Variants in NF1 observed in about 807,000 individuals in gnomAD.
NF1 encodes the protein neurofibromin 1, also known as neurofibromin.
NF1 carries 122 observed loss-of-function variants against 325.7 expected under a neutral mutation model. That is an observed-to-expected ratio of 0.37 (90% CI 0.32 to 0.44). NF1 has a LOEUF of 0.44. Ranked by LOEUF, NF1 falls within the 20% of genes least tolerant of loss-of-function variation. The pLI is 1.00. For synonymous variants in NF1, 1,091 were observed against 1,186.0 expected, an observed-to-expected ratio of 0.92 and a Z score of 1.65; for missense variants, 2,140 against 3,415.4, an observed-to-expected ratio of 0.63 and a Z score of 9.31.
intron 17 of NF1, 90 bp from the exon 18 acceptor site, chr17:31,226,345 A>ACACACG: frequency 6.7e-7 from 1 of 1,486,810 alleles, no homozygotes; most frequent in Non-Finnish European, 9.2e-7. Flanking sequence ...ACACACACAC[A>ACACACG]CACACACACA....
chr17:31,190,089 C>CA (rs766783457), intron 8 of NF1, among the ~76,000 whole-genome samples: 56,842 of 98,216 alleles, frequency 0.58, 17,454 homozygotes, highest in Middle Eastern at 0.71. Context: ...AAATGTATTA[C>CA]AAAAAAAAAA....
chr17:31,136,983 G>A (rs923149944), intron 1 of NF1: 2 of 152,016 alleles, frequency 1.3e-5, no homozygotes, highest in African/African-American at 4.8e-5. Flanking sequence ...ATAGAATTCT[G>A]GACAGTTATG....
intron 31 of NF1, among the ~76,000 whole-genome samples, chr17:31,255,747 A>G (rs748600634): frequency 6.6e-6 from 1 of 152,302 alleles, no homozygotes; most frequent in South Asian, 2.1e-4. Context: ...CACATTTTAA[A>G]ACTTCTTTGT....
intron 36 of NF1, among the ~76,000 whole-genome samples, chr17:31,277,729 A>C (rs904156056): frequency 1.3e-5 from 2 of 152,146 alleles, no homozygotes; most frequent in African/African-American, 4.8e-5. Flanking sequence ...GGCTGGCTAC[A>C]TCCATCCATG....
intron 15 of NF1, chr17:31,222,657 A>G: frequency 2.3e-6 from 1 of 429,118 alleles, no homozygotes; most frequent in Non-Finnish European, 3.2e-6. Context: ...AATTGTAATT[A>G]TGTTTTGTTT....
In NF1 at chr17:31,229,471, G is replaced by T. The variant is rs756650807; in HGVS notation, c.2850+6G>T. ...TTTTTGACTCCCAAGGACAGGTAAA[G>T]TGTTCTCTTATTTTTCACCTTTCTC... On this transcript the variant is annotated splice_donor_region_variant and intron_variant, in intron 21 of 57. Coordinates refer to ENST00000358273, the MANE Select transcript of NF1 (RefSeq NM_001042492.3). 1 of 1,612,806 alleles carries T rather than the reference G, an allele frequency of 6.2e-7. No individual in the cohort carries two copies. The highest frequency in any genetic ancestry group is 1.1e-5 in the South Asian group (1 of 91,040).
intron 24 of NF1, 69 bp from the exon 25 acceptor site, chr17:31,232,004 A>C: frequency 1.2e-6 from 1 of 869,282 alleles, no homozygotes; most frequent in South Asian, 1.6e-5. Flanking sequence ...GGTTTATTTG[A>C]GGGGAAGTGA....
chr17:31,136,480 T>A (rs143781427), intron 1 of NF1: 171 of 152,278 alleles, frequency 1.1e-3, no homozygotes, highest in African/African-American at 3.8e-3. Flanking sequence ...AATAAACAAT[T>A]CATAAGTTTA....
At chr17:31,095,680 CTGGGGGCGCCTT>C (rs1163468216) in intron 1 of NF1, among the ~76,000 whole-genome samples, 1 of 152,164 alleles carries the variant, frequency 6.6e-6, no homozygotes, top group Non-Finnish European at 1.5e-5. Context: ...GATGAGTGAC[CTGGGGGCGCCTT>C]TAGGGGCGCG....
chr17:31,119,685 A>G (rs901762510), intron 1 of NF1, among the ~76,000 whole-genome samples: 3 of 151,996 alleles, frequency 2.0e-5, no homozygotes, highest in Non-Finnish European at 4.4e-5. Flanking sequence ...GTCTTTCCCC[A>G]TGCCTGTGTC....
In NF1 at chr17:31,358,166, G is replaced by C. The variant is rs1321839469; in HGVS notation, c.7971-314G>C. 1.2e-5 allele frequency: 5 copies of C among 413,256 alleles called. No individual in the cohort carries two copies. The Admixed American group carries it at 1.5e-4, about 12-fold the overall frequency. The allele number at this position is 413,256 out of a possible 1,614,324, so 25.6% of individuals were successfully genotyped here. On this transcript the variant is annotated intron_variant, in intron 54 of 57. Coordinates refer to ENST00000358273, the MANE Select transcript of NF1 (RefSeq NM_001042492.3). ...AAATAGTACTAAAACATGCTAAGTAGCAGACAGAGCCAACCTTGTCTTAAG... is the reference window on the plus strand; with the variant it reads ...AAATAGTACTAAAACATGCTAAGTACCAGACAGAGCCAACCTTGTCTTAAG...
At chr17:31,338,205 T>C in intron 45 of NF1, 66 bp downstream of exon 45, 1 of 1,177,368 alleles carries the variant, frequency 8.5e-7, no homozygotes, top group Non-Finnish European at 1.3e-6. Context: ...ATATCTTTCA[T>C]TTTTCTAAAA....
At chr17:31,175,733 G>A (rs188850908) in intron 5 of NF1, among the ~76,000 whole-genome samples, 59 of 152,168 alleles carry the variant, frequency 3.9e-4, no homozygotes, top group Non-Finnish European at 7.5e-4. Context: ...GTGTACATGT[G>A]TTCTTATGGT....
rs759291615 is a variant in NF1, at chr17:31,325,928, C to A, written c.4944C>A (p.Thr1648=). Residue 1648 remains threonine, a synonymous_variant, in exon 37 of 58, where the codon ACC becomes ACA. Coordinates refer to ENST00000358273, the MANE Select transcript of NF1 (RefSeq NM_001042492.3). ...AAATTGTAGTGGACCTTACCCATAC[C>A]GGGCCTAGCAATCGCTTTAAAACAG... ...PYEIVVDLTH[T]GPSNRFKTDF... is the part of the protein sequence containing the mutation. The A allele has an allele frequency of 6.2e-7, 1 of 1,614,126 alleles. No individual in the cohort carries two copies. The highest frequency in any genetic ancestry group is 2.2e-5 in the East Asian group (1 of 44,880).
intron 1 of NF1, among the ~76,000 whole-genome samples, chr17:31,152,227 T>G (rs1916996279): frequency 6.6e-6 from 1 of 151,444 alleles, no homozygotes; most frequent in African/African-American, 2.4e-5. Flanking sequence ...TTCAAAAGAT[T>G]TTTTTTTTCT....
At chr17:31,248,857 T>A in intron 29 of NF1, 127 bp from the exon 30 acceptor site, 1 of 867,346 alleles carries the variant, frequency 1.2e-6, no homozygotes, top group Non-Finnish European at 1.8e-6. Flanking sequence ...GTTGGTTGTT[T>A]AAAGATTCCA....
intron 1 of NF1, among the ~76,000 whole-genome samples, chr17:31,132,063 T>G (rs12937593): frequency 0.54 from 82,766 of 151,918 alleles, 26,113 homozygotes; most frequent in Middle Eastern, 0.76. Context: ...CTCAAGTAGC[T>G]GGGACTACAG....
chr17:31,218,387 C>G (rs2066859955), intron 13 of NF1, among the ~76,000 whole-genome samples: 1 of 152,008 alleles, frequency 6.6e-6, no homozygotes, highest in Admixed American at 6.5e-5. Flanking sequence ...GAATCCCTAA[C>G]AAAAGAAGTT....
chr17:31,318,493 T>C, intron 36 of NF1: 1 of 1,614,070 alleles, frequency 6.2e-7, no homozygotes, highest in Admixed American at 1.7e-5. Flanking sequence ...AGGCTGACGC[T>C]TGCCTACTTG....
Sources: gnomAD v4.1 joint callset for allele counts (sites outside exome capture counted in the v4.1 genomes callset) on GRCh38, gnomAD v4.1.1 for gene constraint, MANE v1.5 for transcripts, NCBI Gene and HGNC (gene_info 2026-07-23, HGNC 2026-07-21) for gene names.